RETREG3: variants seen among roughly 807,000 people sequenced by gnomAD.
RETREG3 encodes reticulophagy regulator 3.
Under a neutral mutation model 50.2 loss-of-function variants are expected in RETREG3, and 23 were observed. The observed-to-expected ratio is 0.46, with a 90% confidence interval of 0.33 to 0.65. RETREG3 has a LOEUF of 0.65. RETREG3 is among the 30% of genes least tolerant of loss of function. The pLI, the probability that RETREG3 is intolerant of heterozygous loss-of-function variation, is 0.02. For missense variants in RETREG3, 546 were observed against 598.0 expected (o/e 0.91, Z 0.91); for synonymous variants, 240 against 234.4 (o/e 1.02, Z -0.22).
At chr17:42,603,666 TC>T (rs1252677501) in intron 1 of RETREG3, among the ~76,000 whole-genome samples, 2 of 152,080 alleles carry the variant, frequency 1.3e-5, no homozygotes, top group Admixed American at 1.3e-4. Flanking sequence ...GAACATTCAC[TC>T]AACAGATTTC....
intron 1 of RETREG3, among the ~76,000 whole-genome samples, chr17:42,597,594 TATATATA>T (rs1567925383): frequency 2.8e-4 from 1 of 3,546 alleles, no homozygotes; most frequent in Non-Finnish European, 8.8e-4. Context: ...TATATATATA[TATATATA>T]TATATATATA....
intron 2 of RETREG3, among the ~76,000 whole-genome samples, chr17:42,591,382 C>T (rs1167601965): frequency 1.3e-5 from 2 of 151,350 alleles, no homozygotes; most frequent in South Asian, 4.2e-4. Flanking sequence ...CTCTTGTCAC[C>T]GAGGCTGGAG....
At chr17:42,591,677 G>A (rs995870393) in intron 2 of RETREG3, among the ~76,000 whole-genome samples, 2 of 152,118 alleles carry the variant, frequency 1.3e-5, no homozygotes, top group Non-Finnish European at 1.5e-5. Flanking sequence ...CAATTGCCTA[G>A]CCTAGTGTTT....
In RETREG3 at chr17:42,586,036, GTA is replaced by G; in HGVS notation, c.589+15_589+16del. ...GAGCAGGGTATACTTTGTAGGGGAGGTATATGTCATACTTACGCATCAAGTAG... is the reference window on the plus strand; with the variant it reads ...GAGCAGGGTATACTTTGTAGGGGAGGTATGTCATACTTACGCATCAAGTAG... On this transcript the variant is annotated intron_variant, in intron 5 of 8. Coordinates refer to ENST00000309428, the MANE Select transcript of RETREG3 (RefSeq NM_178126.4). 2 of 1,612,538 alleles carry G rather than the reference GTA, an allele frequency of 1.2e-6. No individual in the cohort carries two copies. Among genetic ancestry groups the G allele is most frequent in the Non-Finnish European group, 1.7e-6 (2 of 1,178,608 alleles).
chr17:42,582,360 T>C, intron 8 of RETREG3, 90 bp from the exon 9 acceptor site: 3 of 1,301,016 alleles, frequency 2.3e-6, no homozygotes, highest in Non-Finnish European at 2.1e-6. Context: ...CCACCCTGGC[T>C]TTCTCAGGGC....
In RETREG3 at chr17:42,582,265, C is replaced by A; in HGVS notation, c.949G>T (p.Asp317Tyr). The change falls in exon 9 of 9, where the codon GAT becomes TAT. Residue 317 changes from aspartate (D) to tyrosine (Y), a missense_variant. By Grantham distance (160) the Asp-to-Tyr change is radical. Coordinates refer to ENST00000309428, the MANE Select transcript of RETREG3 (RefSeq NM_178126.4). ...TPLTEGSEDL[D>Y]GHSDPEESFA... ...GATTCCTCTGGATCACTGTGACCATCTAGGTCTGGTGGAATACAGAAGTGT... is the reference window on the plus strand; with the variant it reads ...GATTCCTCTGGATCACTGTGACCATATAGGTCTGGTGGAATACAGAAGTGT... The A allele has an allele frequency of 6.2e-7, 1 of 1,602,938 alleles. No homozygotes were observed. Among genetic ancestry groups the A allele is most frequent in the South Asian group, 1.1e-5 (1 of 90,832 alleles).
chr17:42,605,087 GA>G (rs915888098), intron 1 of RETREG3, among the ~76,000 whole-genome samples: 137 of 134,846 alleles, frequency 1.0e-3, no homozygotes, highest in Middle Eastern at 3.8e-3. Context: ...TCTGGTACCT[GA>G]AAAAAAAAAA....
At chr17:42,594,808 G>A (rs2093140573) in intron 1 of RETREG3, among the ~76,000 whole-genome samples, 1 of 151,690 alleles carries the variant, frequency 6.6e-6, no homozygotes, top group Admixed American at 6.6e-5. Flanking sequence ...CTGAGATTGC[G>A]CTACTGCACT....
intron 2 of RETREG3, 142 bp downstream of exon 2, chr17:42,591,914 G>C: frequency 1.5e-6 from 1 of 648,608 alleles, no homozygotes; most frequent in East Asian, 2.8e-5. Flanking sequence ...AGCCCTTCAA[G>C]TGCCTCCTAA....
At chr17:42,609,404 C>CG, upstream of RETREG3, 2 of 1,457,234 alleles carry the variant, frequency 1.4e-6, no homozygotes, top group South Asian at 1.3e-5. Flanking sequence ...CGCGATTCGG[C>CG]GGGGGAGGTG....
chr17:42,604,382 A>G (rs1264412333), intron 1 of RETREG3, among the ~76,000 whole-genome samples: 1 of 152,090 alleles, frequency 6.6e-6, no homozygotes, highest in African/African-American at 2.4e-5. Context: ...TAAAAACCAC[A>G]AAGCAGTCAA....
At chr17:42,599,093 G>A (rs1392315299) in intron 1 of RETREG3, 1 of 152,152 alleles carries the variant, frequency 6.6e-6, no homozygotes, top group African/African-American at 2.4e-5. Context: ...AGCCTCCCTA[G>A]AGAGCCCTTT....
chr17:42,597,500 TGTG>T (rs1567925205), intron 1 of RETREG3, among the ~76,000 whole-genome samples: 579 of 12,438 alleles, frequency 0.047, 12 homozygotes, highest in African/African-American at 0.18. Flanking sequence ...ATCTATTTTG[TGTG>T]TGTGTGTGTG....
intron 5 of RETREG3, 44 bp downstream of exon 5, chr17:42,586,009 A>G: frequency 6.3e-7 from 1 of 1,581,054 alleles, no homozygotes; most frequent in Non-Finnish European, 8.7e-7. Flanking sequence ...TTGGAAAGCT[A>G]TGAGCAGGGT....
intron 6 of RETREG3, among the ~76,000 whole-genome samples, chr17:42,584,520 C>T (rs992072422): frequency 6.6e-6 from 1 of 152,088 alleles, no homozygotes; most frequent in African/African-American, 2.4e-5. Flanking sequence ...TTGAAAGGAT[C>T]TGCTCTGGGC....
intron 7 of RETREG3, 52 bp downstream of exon 7, chr17:42,583,446 A>G: frequency 6.3e-7 from 1 of 1,578,360 alleles, no homozygotes; most frequent in Non-Finnish European, 8.7e-7. Flanking sequence ...CGGATGGTTA[A>G]AAGGTAGCTA....
chr17:42,585,378 G>T, intron 5 of RETREG3, 116 bp from the exon 6 acceptor site: 1 of 1,389,446 alleles, frequency 7.2e-7, no homozygotes, highest in Non-Finnish European at 9.6e-7. Flanking sequence ...GAACAGATCT[G>T]CCCAAGTCTG....
intron 1 of RETREG3, among the ~76,000 whole-genome samples, chr17:42,604,711 A>AC (rs1241063434): frequency 1.3e-5 from 2 of 149,984 alleles, no homozygotes; most frequent in Admixed American, 6.6e-5. Context: ...AAAAAAAAAA[A>AC]AAAAAAACTG....
rs759959615 is a variant in RETREG3, at chr17:42,609,244, G to C, written c.81C>G (p.Gly27=). 2 of 1,607,618 alleles carry C rather than the reference G, an allele frequency of 1.2e-6. No individual in the cohort carries two copies. The highest frequency in any genetic ancestry group is 2.2e-5 in the South Asian group (2 of 91,070). Residue 27 remains glycine (G), a synonymous_variant, in exon 1 of 9, where the codon GGC becomes GGG. Coordinates refer to ENST00000309428, the MANE Select transcript of RETREG3 (RefSeq NM_178126.4). ...STFRGRRDVS[G]SWERDQQVEA... ...CAACCTGCTGGTCCCGCTCCCAGGAGCCTGACACATCTCGGCGGCCCCTGA... is the reference window on the plus strand; with the variant it reads ...CAACCTGCTGGTCCCGCTCCCAGGACCCTGACACATCTCGGCGGCCCCTGA...
Sources: allele counts gnomAD v4.1 joint callset (sites outside exome capture counted in the v4.1 genomes callset), GRCh38; gene constraint gnomAD v4.1.1; transcripts MANE v1.5; gene names NCBI Gene and HGNC (gene_info 2026-07-23, HGNC 2026-07-21).